Variants in MGST1 observed in about 807,000 individuals in gnomAD.
The protein encoded by MGST1 is microsomal glutathione S-transferase 1.
Under a neutral mutation model 8.9 loss-of-function variants are expected in MGST1, and 5 were observed. The observed-to-expected ratio is 0.56, with a 90% confidence interval of 0.29 to 1.19. The LOEUF is 1.19. MGST1 is among the 50% of genes most tolerant of loss of function. The pLI is 0.08. For missense variants in MGST1, 182 were observed against 187.4 expected (o/e 0.97, Z 0.17); for synonymous variants, 54 against 67.8 (o/e 0.80, Z 1.00).
chr12:16,351,193 C>T (rs1411473150), intron 1 of MGST1, among the ~76,000 whole-genome samples: 1 of 152,172 alleles, frequency 6.6e-6, no homozygotes, highest in Non-Finnish European at 1.5e-5. Context: ...TAAAAAACTT[C>T]ACACGCTTGC....
rs1316107850 is a variant in MGST1, at chr12:16,586,317, C to T, written n.483-3211C>T. 1.3e-5 allele frequency among the ~76,000 whole-genome samples: 2 copies of T among 152,268 alleles called. No individual in the cohort carries two copies. Among genetic ancestry groups the T allele is most frequent in the Non-Finnish European group, 2.9e-5 (2 of 68,022 alleles). On this transcript the variant is annotated intron_variant and non_coding_transcript_variant, in intron 4 of 4. Coordinates refer to the MGST1 transcript ENST00000538857. The surrounding 1 kb of genome is among the most constrained non-coding windows in gnomAD (Gnocchi z 4.3). The stretch of plus-strand genomic sequence containing the variant: ...GTCATGATACGATGAAGTCCACATA[C>T]GGAACAACTAAGAAACAACTAAAAC...
At chr12:16,366,447 C>G (rs1411670345), downstream of MGST1, among the ~76,000 whole-genome samples, 4 of 152,078 alleles carry the variant, frequency 2.6e-5, no homozygotes, top group African/African-American at 9.7e-5. This position sits in a 1 kb window ranked among gnomAD's most constrained non-coding sequence, Gnocchi z 4.0. Context: ...ACAGAATTGG[C>G]TCTAGAGTGA....
chr12:16,376,451 A>C lies in MGST1; in HGVS notation c.*287A>C, dbSNP rs940767308. On this transcript the variant is annotated 3_prime_UTR_variant, in exon 4 of 4. Coordinates refer to the MGST1 transcript ENST00000535309. Reference sequence around the variant, plus strand: ...AAATTTAAAGAAAATGCAAAGGATTAAAATAGACCATGATGAAGTCAGAAA... The same window carrying C: ...AAATTTAAAGAAAATGCAAAGGATTCAAATAGACCATGATGAAGTCAGAAA... 2.4e-5 allele frequency: 5 copies of C among 211,378 alleles called. No individual in the cohort carries two copies. The Admixed American group carries it at 2.9e-4, about 12-fold the overall frequency. The allele number at this position is 211,378 out of a possible 1,614,324, so 13.1% of individuals were successfully genotyped here.
chr12:16,372,205 C>G (rs1438889106), intron 3 of MGST1, among the ~76,000 whole-genome samples: 2 of 152,016 alleles, frequency 1.3e-5, no homozygotes, highest in Non-Finnish European at 2.9e-5. Context: ...AGTTAAAAAG[C>G]TTCTCCACAG....
intron 1 of MGST1, among the ~76,000 whole-genome samples, chr12:16,349,351 C>G (rs892128574): frequency 2.0e-5 from 3 of 151,780 alleles, no homozygotes; most frequent in Non-Finnish European, 4.4e-5. Flanking sequence ...AGATTCTTCT[C>G]TGCTAGATAG....
chr12:16,365,746 C>CACACAT (rs1348178787), downstream of MGST1, among the ~76,000 whole-genome samples: 23 of 109,034 alleles, frequency 2.1e-4, no homozygotes, highest in African/African-American at 8.6e-4. Flanking sequence ...TGCACGCGCA[C>CACACAT]ACACACACAC....
intron 4 of MGST1, among the ~76,000 whole-genome samples, chr12:16,450,443 G>A (rs1941119684): frequency 6.6e-6 from 1 of 151,952 alleles, no homozygotes; most frequent in Non-Finnish European, 1.5e-5. Flanking sequence ...TGTTCTTGAT[G>A]ACTGAAACAA....
At chr12:16,562,170 A>G (rs999441867) in intron 4 of MGST1, among the ~76,000 whole-genome samples, 6 of 152,150 alleles carry the variant, frequency 3.9e-5, no homozygotes, top group Admixed American at 2.6e-4. Flanking sequence ...CTTTCATCCT[A>G]TTCATTTGTA....
intron 1 of MGST1, among the ~76,000 whole-genome samples, chr12:16,427,960 C>A (rs768687073): frequency 2.6e-5 from 4 of 151,798 alleles, no homozygotes; most frequent in Admixed American, 6.5e-5. Context: ...TCTCTTGAGG[C>A]ATTATACATT....
At chr12:16,408,732 A>G (rs1940716826) in intron 1 of MGST1, among the ~76,000 whole-genome samples, 1 of 152,032 alleles carries the variant, frequency 6.6e-6, no homozygotes, top group African/African-American at 2.4e-5. Context: ...TCTTTTTACT[A>G]CTTCTAGATC....
At chr12:16,372,939 A>C (rs1940319847) in intron 3 of MGST1, among the ~76,000 whole-genome samples, 1 of 141,762 alleles carries the variant, frequency 7.1e-6, no homozygotes, top group Non-Finnish European at 1.5e-5. Context: ...TGTATATTTT[A>C]TATTATATAT....
downstream of MGST1, chr12:16,367,297 T>C (rs1375466569): frequency 6.6e-6 from 1 of 152,166 alleles, no homozygotes; most frequent in Non-Finnish European, 1.5e-5. Context: ...CGAGTCTATT[T>C]TGAAGACTGA....
At chr12:16,475,888 T>C (rs185009653) in intron 4 of MGST1, among the ~76,000 whole-genome samples, 74 of 151,590 alleles carry the variant, frequency 4.9e-4, no homozygotes, top group African/African-American at 1.5e-3. Flanking sequence ...TACAGTGAAA[T>C]AGAAAACCCG....
chr12:16,350,695 A>G (rs1202539832), intron 1 of MGST1: 1 of 152,202 alleles, frequency 6.6e-6, no homozygotes, highest in Non-Finnish European at 1.5e-5. Flanking sequence ...GCTATAAACA[A>G]CTACTATTTC....
At chr12:16,358,398 T>C (rs1019861268) in intron 3 of MGST1, among the ~76,000 whole-genome samples, 3 of 152,170 alleles carry the variant, frequency 2.0e-5, no homozygotes, top group African/African-American at 7.2e-5. Context: ...TTGTTTTTCT[T>C]TTCCTGTGTT....
At chr12:16,406,332 A>G (rs750468511) in intron 1 of MGST1, among the ~76,000 whole-genome samples, 1 of 152,208 alleles carries the variant, frequency 6.6e-6, no homozygotes, top group African/African-American at 2.4e-5. Flanking sequence ...AAAGAATACA[A>G]TATCTAGGAA....
intron 1 of MGST1, among the ~76,000 whole-genome samples, chr12:16,394,611 G>T (rs1296826952): frequency 2.9e-5 from 4 of 135,798 alleles, no homozygotes; most frequent in Non-Finnish European, 3.1e-5. Context: ...CTTTTCTTTT[G>T]AAACAGAGTC....
At chr12:16,478,578 A>G (rs893259366) in intron 4 of MGST1, among the ~76,000 whole-genome samples, 5 of 152,074 alleles carry the variant, frequency 3.3e-5, no homozygotes, top group Admixed American at 6.6e-5. Context: ...TGTCAAATAT[A>G]TCTTAGACTG....
intron 4 of MGST1, among the ~76,000 whole-genome samples, chr12:16,483,106 T>C (rs1177064721): frequency 6.6e-6 from 1 of 152,238 alleles, no homozygotes; most frequent in Non-Finnish European, 1.5e-5. Context: ...ATGCCAGGTT[T>C]GTTTACCATA....
Sources: allele counts gnomAD v4.1 joint callset (sites outside exome capture counted in the v4.1 genomes callset), GRCh38; gene constraint gnomAD v4.1.1; non-coding constraint Gnocchi (gnomAD v3.1); transcripts MANE v1.5; gene names NCBI Gene and HGNC (gene_info 2026-07-23, HGNC 2026-07-21).